CLIC6: variants seen among roughly 807,000 people sequenced by gnomAD.
The protein encoded by CLIC6 is CLIC family member 6.
A neutral mutation model predicts 49.2 loss-of-function variants in CLIC6; 39 were observed. The observed-to-expected ratio is 0.79, with a 90% CI of 0.61 to 1.04. The LOEUF (loss-of-function observed/expected upper bound fraction) is 1.04, where lower values mean the gene tolerates loss of function less well. Ranked by LOEUF, CLIC6 falls within the 50% of genes least tolerant of loss-of-function variation. The pLI is 0.00. For missense variants in CLIC6, 988 were observed against 993.1 expected, an observed-to-expected ratio of 0.99 and a Z score of 0.07; for synonymous variants, 446 against 433.4, an observed-to-expected ratio of 1.03 and a Z score of -0.36.
Position 34,670,413 on chromosome 21 carries a change from C to T in CLIC6, c.1025C>T (p.Ser342Phe), listed in dbSNP as rs1989531179. 2 of 1,460,076 alleles carry T rather than the reference C, an allele frequency of 1.4e-6. No homozygotes were observed. The highest frequency in any genetic ancestry group is 9.0e-7 in the Non-Finnish European group (1 of 1,106,836). 90.4% of individuals were successfully genotyped at this position (1,460,076 alleles called of 1,614,324 possible). Residue 342 changes from serine to phenylalanine, a missense_variant, in exon 1 of 6, where the codon TCC becomes TTC. Transcript: ENST00000349499. ...GCGGAGGTCCCGGGGGTAAAGGGGT[C>T]CGAAGAAGCGGCCCCCGGGGACGCA... Reference protein sequence around the residue: ...EEAEVPGVKGSEEAAPGDARA... With the variant: ...EEAEVPGVKGFEEAAPGDARA...
chr21:34,678,824 A>G (rs879657440), intron 1 of CLIC6, among the ~76,000 whole-genome samples: 13 of 152,210 alleles, frequency 8.5e-5, no homozygotes, highest in Admixed American at 8.5e-4. Context: ...ATTTAGAAAC[A>G]TAAAAAGATA....
chr21:34,686,480 T>C (rs1188810254), intron 1 of CLIC6, among the ~76,000 whole-genome samples: 1 of 152,190 alleles, frequency 6.6e-6, no homozygotes, highest in Non-Finnish European at 1.5e-5. Context: ...TATAGTGTGG[T>C]GGATTAAAGA....
At position 34,716,862 on chromosome 21, in the gene CLIC6, T is replaced by TCTCTCTCTCTCTCTCTCTCTCACA; in HGVS notation, c.*381_*382insTCTCTCTCTCTCTCTCTCTCACAC. 5.3e-5 allele frequency: 7 copies of TCTCTCTCTCTCTCTCTCTCTCACA among 131,634 alleles called. No individual in the cohort carries two copies. The highest frequency in any genetic ancestry group is 1.9e-4 in the African/African-American group (6 of 31,214). The allele number at this position is 131,634 out of a possible 1,614,324, so 8.2% of individuals were successfully genotyped here. ...CTCTCTCTCTCTCTCTCTCTCTCTA[T>TCTCTCTCTCTCTCTCTCTCTCACA]CACACACACACACACACACACACAC... On this transcript the variant is annotated 3_prime_UTR_variant, in exon 6 of 6. Transcript: ENST00000349499.
intron 2 of CLIC6, among the ~76,000 whole-genome samples, chr21:34,707,591 T>G (rs1601285621): frequency 6.6e-6 from 1 of 151,218 alleles, no homozygotes; most frequent in Non-Finnish European, 1.5e-5. Context: ...GGAGGAGGAG[T>G]TGGGGGTGCC....
rs1264152254 is a variant in CLIC6, at chr21:34,680,290, A to G, written c.1374+9528A>G. On this transcript the variant is annotated intron_variant, in intron 1 of 5. Coordinates refer to ENST00000349499, the MANE Select transcript of CLIC6 (RefSeq NM_053277.3). ...AGTTGTACCTCGGCCCCTTTTAGCCATGGCTGGAGCAGCTGGGATGCAGGG... is the reference window on the plus strand; with the variant it reads ...AGTTGTACCTCGGCCCCTTTTAGCCGTGGCTGGAGCAGCTGGGATGCAGGG... Among the ~76,000 whole-genome samples the G allele has an allele frequency of 3.9e-5, 6 of 152,298 alleles. No individual in the cohort carries two copies. In the East Asian group the frequency reaches 9.6e-4, roughly 24 times the overall value.
In CLIC6 at chr21:34,671,949, C is replaced by A. The variant is rs150252189; in HGVS notation, c.1374+1187C>A. Reference sequence around the variant, plus strand: ...GGACATAACCTCAGGACACCAGCCCCTGAGAGGCTGCTGGGAAGAGCTGGA... The same window carrying A: ...GGACATAACCTCAGGACACCAGCCCATGAGAGGCTGCTGGGAAGAGCTGGA... On this transcript the variant is annotated intron_variant, in intron 1 of 5. Coordinates refer to ENST00000349499, the MANE Select transcript of CLIC6 (RefSeq NM_053277.3). Among the ~76,000 whole-genome samples the A allele has an allele frequency of 7.9e-3, 1,201 of 152,246 alleles. 21 individuals carry two copies. Among genetic ancestry groups the A allele is most frequent in the African/African-American group, 0.027 (1,128 of 41,534 alleles).
At chr21:34,693,316 T>TC (rs1385370596) in intron 1 of CLIC6, among the ~76,000 whole-genome samples, 2 of 152,158 alleles carry the variant, frequency 1.3e-5, no homozygotes, top group East Asian at 3.9e-4. Flanking sequence ...GATGGTTTAG[T>TC]CCCCCACTAG....
At position 34,716,862 on chromosome 21, in the gene CLIC6, T is replaced by TCTCTCTCTCTCACACACA; in HGVS notation, c.*381_*382insTCTCTCTCTCACACACAC. Reference sequence around the variant, plus strand: ...CTCTCTCTCTCTCTCTCTCTCTCTATCACACACACACACACACACACACAC... The same window carrying TCTCTCTCTCTCACACACA: ...CTCTCTCTCTCTCTCTCTCTCTCTATCTCTCTCTCTCACACACACACACACACACACACACACACACAC... On this transcript the variant is annotated 3_prime_UTR_variant, in exon 6 of 6. Coordinates refer to ENST00000349499, the MANE Select transcript of CLIC6 (RefSeq NM_053277.3). The TCTCTCTCTCTCACACACA allele has an allele frequency of 3.8e-5, 5 of 131,632 alleles. No individual in the cohort carries two copies. Among genetic ancestry groups the TCTCTCTCTCTCACACACA allele is most frequent in the African/African-American group, 1.6e-4 (5 of 31,212 alleles). 8.2% of individuals were successfully genotyped at this position (131,632 alleles called of 1,614,324 possible).
At chr21:34,675,916 G>A (rs1350275526) in intron 1 of CLIC6, among the ~76,000 whole-genome samples, 2 of 152,218 alleles carry the variant, frequency 1.3e-5, no homozygotes, top group East Asian at 1.9e-4. Context: ...AGGCCTCTTG[G>A]CAGCAGGGTT....
chr21:34,709,780 T>C (rs2056043345), intron 5 of CLIC6, among the ~76,000 whole-genome samples: 1 of 152,188 alleles, frequency 6.6e-6, no homozygotes, highest in African/African-American at 2.4e-5. Flanking sequence ...TCAGCCTTAC[T>C]CACACAGCCT....
Position 34,707,211 on chromosome 21 carries a change from G to A in CLIC6, c.1375-69G>A. 5 of 1,134,002 alleles carry A rather than the reference G, an allele frequency of 4.4e-6. No homozygotes were observed. The South Asian group carries it at 6.2e-5, about 14-fold the overall frequency. The allele number at this position is 1,134,002 out of a possible 1,614,324, so 70.2% of individuals were successfully genotyped here. A position where few individuals can be genotyped will look rare whatever the true frequency, so the allele number is the denominator to read the frequency against. Reference sequence around the variant, plus strand: ...ATCAACCTGCAATGATTTTGCATGTGCATGTTGTGGTGTTGGCACTTATAA... The same window carrying A: ...ATCAACCTGCAATGATTTTGCATGTACATGTTGTGGTGTTGGCACTTATAA... On this transcript the variant is annotated intron_variant, in intron 1 of 5. Transcript: ENST00000349499.
chr21:34,716,530 C>G lies in CLIC6; in HGVS notation c.*48C>G. The stretch of plus-strand genomic sequence containing the variant: ...TTTCTCAGTTGAGTGAGCAAGGATA[C>G]GAAAACAGTGTGTTTGAAAACAAAT... On this transcript the variant is annotated 3_prime_UTR_variant, in exon 6 of 6. Coordinates refer to ENST00000349499, the MANE Select transcript of CLIC6 (RefSeq NM_053277.3). 2 of 1,491,980 alleles carry G rather than the reference C, an allele frequency of 1.3e-6. No homozygotes were observed. Among genetic ancestry groups the G allele is most frequent in the Non-Finnish European group, 1.8e-6 (2 of 1,104,868 alleles). The allele number at this position is 1,491,980 out of a possible 1,614,324, so 92.4% of individuals were successfully genotyped here.
chr21:34,704,644 T>C (rs1288531790), intron 1 of CLIC6, among the ~76,000 whole-genome samples: 1 of 152,196 alleles, frequency 6.6e-6, no homozygotes, highest in Non-Finnish European at 1.5e-5. Context: ...GATGTTCCAT[T>C]CCAGTGGCAG....
chr21:34,706,355 A>G (rs974792363), intron 1 of CLIC6, among the ~76,000 whole-genome samples: 2 of 152,214 alleles, frequency 1.3e-5, no homozygotes, highest in Non-Finnish European at 2.9e-5. Context: ...TAAACCATTC[A>G]TGAGAAATCC....
Position 34,700,341 on chromosome 21 carries a change from G to A in CLIC6, c.1375-6939G>A, listed in dbSNP as rs1044888698. Among the ~76,000 whole-genome samples, 8 of 137,694 alleles carry A rather than the reference G, an allele frequency of 5.8e-5. 2 individuals carry two copies. The highest frequency in any genetic ancestry group is 2.3e-4 in the African/African-American group (8 of 34,128). The allele number at this position is 137,694 out of a possible 152,430, so 90.3% of individuals were successfully genotyped here. On this transcript the variant is annotated intron_variant, in intron 1 of 5. Coordinates refer to ENST00000349499, the MANE Select transcript of CLIC6 (RefSeq NM_053277.3). The stretch of plus-strand genomic sequence containing the variant: ...GGGCTCCTGTGGTCCCAGCTACTCC[G>A]GAGGCTGAGGCAGGAGAATGGCGTG...
intron 1 of CLIC6, among the ~76,000 whole-genome samples, chr21:34,701,894 G>A (rs958691716): frequency 6.6e-6 from 1 of 151,988 alleles, no homozygotes; most frequent in African/African-American, 2.4e-5. Flanking sequence ...CGGACTTGCT[G>A]CGGGTGACTC....
chr21:34,694,135 ATTTT>A (rs57210806), intron 1 of CLIC6, among the ~76,000 whole-genome samples: 16 of 128,416 alleles, frequency 1.2e-4, no homozygotes, highest in African/African-American at 5.0e-4. Context: ...CGCCTGGTTA[ATTTT>A]TTTTTTTTTT....
chr21:34,707,939 C>T lies in CLIC6; in HGVS notation c.1485-5C>T, dbSNP rs768727342. On this transcript the variant is annotated splice_polypyrimidine_tract_variant and splice_region_variant and intron_variant, in intron 2 of 5. Transcript: ENST00000349499. ...CCATAAACACTGCTGTTTCCTCCCA[C>T]CTAGGAAACCCGCAGACCTGCAGAA... 3.7e-6 allele frequency: 6 copies of T among 1,613,946 alleles called. No homozygotes were observed. Among genetic ancestry groups the T allele is most frequent in the Admixed American group, 3.3e-5 (2 of 60,020 alleles).
intron 1 of CLIC6, among the ~76,000 whole-genome samples, chr21:34,707,017 T>G (rs1042612190): frequency 6.6e-6 from 1 of 152,152 alleles, no homozygotes; most frequent in Non-Finnish European, 1.5e-5. Flanking sequence ...TGGCAGGCAG[T>G]GGTGAGGTGG....
Sources: allele counts gnomAD v4.1 joint callset (sites outside exome capture counted in the v4.1 genomes callset), GRCh38; gene constraint gnomAD v4.1.1; transcripts MANE v1.5; gene names NCBI Gene and HGNC (gene_info 2026-07-23, HGNC 2026-07-21).